FRMPD1: variants seen among roughly 807,000 people sequenced by gnomAD.
The protein encoded by FRMPD1 is FERM and PDZ domain containing 1, also known as FERM and PDZ domain-containing protein 1.
In FRMPD1, 76 loss-of-function variants were observed where a neutral mutation model predicts 117.8. That is an observed-to-expected ratio of 0.65 (90% CI 0.54 to 0.78). The LOEUF (loss-of-function observed/expected upper bound fraction) is 0.78. FRMPD1 is among the 30% of genes least tolerant of loss of function. The pLI is 0.00. For synonymous variants in FRMPD1, 783 were observed against 770.4 expected, an observed-to-expected ratio of 1.02 and a Z score of -0.27; for missense variants, 1,786 against 1,964.5, an observed-to-expected ratio of 0.91 and a Z score of 1.72.
In FRMPD1 at chr9:37,745,738, G is replaced by A. The variant is rs143136317; in HGVS notation, c.3706G>A (p.Gly1236Arg). 6.8e-5 allele frequency: 110 copies of A among 1,614,072 alleles called. No homozygotes were observed. Among genetic ancestry groups the A allele is most frequent in the Non-Finnish European group, 8.2e-5 (97 of 1,180,038 alleles). ...GGCAGAGGCACCTAACCATGTGACA[G>A]GGCAAGATATAGCCCCTAGGGACAG... Reference protein sequence around the residue: ...IKAEAPNHVTGQDIAPRDSPE... With the variant: ...IKAEAPNHVTRQDIAPRDSPE... The change falls in exon 16 of 16, where the codon GGG (glycine) becomes AGG (arginine). Residue 1236 changes from glycine to arginine, a missense_variant. Gly to Arg is a moderately radical substitution (Grantham distance 125, BLOSUM62 -2). Coordinates refer to ENST00000377765, the MANE Select transcript of FRMPD1 (RefSeq NM_014907.3).
At chr9:37,627,391 G>A in the FRMPD1 span, among the ~76,000 whole-genome samples, 3 of 152,156 alleles carry the variant, frequency 2.0e-5, no homozygotes, top group African/African-American at 7.2e-5. Context: ...GCACCTTCCT[G>A]CATCACTGTG....
intron 1 of FRMPD1, among the ~76,000 whole-genome samples, chr9:37,677,717 G>A (rs1821578969): frequency 1.3e-5 from 2 of 152,216 alleles, no homozygotes; most frequent in Admixed American, 1.3e-4. Context: ...TGAAAGCTTG[G>A]AAGGAGGAAT....
intron 1 of FRMPD1, among the ~76,000 whole-genome samples, chr9:37,661,426 GTAAA>G (rs1252129898): frequency 6.6e-6 from 1 of 152,184 alleles, no homozygotes; most frequent in African/African-American, 2.4e-5. Context: ...CCTACACATG[GTAAA>G]TATTCAATAA....
the FRMPD1 span, among the ~76,000 whole-genome samples, chr9:37,622,238 C>T: frequency 9.2e-5 from 14 of 152,104 alleles, no homozygotes; most frequent in Admixed American, 2.6e-4. Flanking sequence ...TTGCCTGAGA[C>T]GGTGAATGTG....
chr9:37,637,380 T>G, the FRMPD1 span: 1 of 708,992 alleles, frequency 1.4e-6, no homozygotes, highest in Admixed American at 2.2e-5. Context: ...GTTTTTTCAA[T>G]TTTAGAAATT....
chr9:37,737,768 A>G (rs556976118), intron 14 of FRMPD1, among the ~76,000 whole-genome samples: 65 of 149,730 alleles, frequency 4.3e-4, no homozygotes, highest in Non-Finnish European at 7.0e-4. Flanking sequence ...GGTTGCAGTG[A>G]GCCGAGATCG....
chr9:37,704,050 C>T (rs573503104), intron 2 of FRMPD1, among the ~76,000 whole-genome samples: 1 of 152,308 alleles, frequency 6.6e-6, no homozygotes, highest in Non-Finnish European at 1.5e-5. Context: ...TCATGTTGTA[C>T]ACCATGTTTA....
intron 14 of FRMPD1, among the ~76,000 whole-genome samples, chr9:37,738,299 CAGTT>C (rs143505662): frequency 0.02 from 2,968 of 152,062 alleles, 50 homozygotes; most frequent in South Asian, 0.04. Context: ...ATAAGTAAAA[CAGTT>C]AGAAAGTGAT....
intron 2 of FRMPD1, among the ~76,000 whole-genome samples, chr9:37,702,437 C>T (rs551757273): frequency 2.6e-5 from 4 of 152,244 alleles, no homozygotes; most frequent in East Asian, 3.9e-4. Flanking sequence ...TTTGGATGCT[C>T]GGGGCCATAA....
intron 1 of FRMPD1, among the ~76,000 whole-genome samples, chr9:37,680,119 T>C (rs1034001129): frequency 6.6e-6 from 1 of 152,158 alleles, no homozygotes; most frequent in Non-Finnish European, 1.5e-5. Flanking sequence ...ACAGCCTGGA[T>C]CCCTATTAGA....
At chr9:37,615,856 A>G in the FRMPD1 span, among the ~76,000 whole-genome samples, 1 of 151,396 alleles carries the variant, frequency 6.6e-6, no homozygotes, top group Admixed American at 6.6e-5. Flanking sequence ...TCTGTCACCC[A>G]GGCTGGAGTG....
the FRMPD1 span, chr9:37,637,187 C>T: frequency 6.2e-7 from 1 of 1,610,244 alleles, no homozygotes; most frequent in Non-Finnish European, 8.5e-7. Flanking sequence ...GCTGATGTAG[C>T]TCTCTGTGTA....
At position 37,745,946 on chromosome 9, in the gene FRMPD1, A is replaced by G; in HGVS notation, c.3914A>G (p.Glu1305Gly). Residue 1305 changes from glutamate to glycine, a missense_variant, in exon 16 of 16, where the codon GAA (glutamate) becomes GGA (glycine). Physicochemically the swap from Glu to Gly is moderately conservative, Grantham distance 98. Coordinates refer to ENST00000377765, the MANE Select transcript of FRMPD1 (RefSeq NM_014907.3). The stretch of plus-strand genomic sequence containing the variant: ...TGCTTTGCCCCAGAAAGCCATCCTG[A>G]AGTCTCTGCCAGTCTCAGGGTGGCC... ...FLCFAPESHP[E>G]VSASLRVATS... 6.2e-7 allele frequency: 1 copy of G among 1,614,234 alleles called. No individual in the cohort carries two copies. Among genetic ancestry groups the G allele is most frequent in the Non-Finnish European group, 8.5e-7 (1 of 1,180,032 alleles).
intron 1 of FRMPD1, among the ~76,000 whole-genome samples, chr9:37,684,129 G>C (rs531128311): frequency 6.6e-6 from 1 of 152,104 alleles, no homozygotes; most frequent in Non-Finnish European, 1.5e-5. Flanking sequence ...GATGAAGTTG[G>C]CGGGTAGGCA....
At chr9:37,737,349 G>A in intron 14 of FRMPD1, 106 bp downstream of exon 14, 3 of 908,398 alleles carry the variant, frequency 3.3e-6, no homozygotes, top group Non-Finnish European at 5.2e-6. Flanking sequence ...CGAGGCTTCA[G>A]CTCAAGTGGA....
At chr9:37,726,067 CAGAG>C (rs1563952135) in intron 7 of FRMPD1, among the ~76,000 whole-genome samples, 2 of 152,076 alleles carry the variant, frequency 1.3e-5, no homozygotes, top group Non-Finnish European at 1.5e-5. Flanking sequence ...CTTAAGATGA[CAGAG>C]AGAGTTGGGG....
the FRMPD1 span, among the ~76,000 whole-genome samples, chr9:37,617,229 A>G: frequency 3.3e-5 from 5 of 152,214 alleles, no homozygotes; most frequent in Non-Finnish European, 1.5e-5. Flanking sequence ...CCTTTATGCC[A>G]TGACGACAAA....
the FRMPD1 span, among the ~76,000 whole-genome samples, chr9:37,612,597 C>A: frequency 6.6e-6 from 1 of 150,442 alleles, no homozygotes; most frequent in East Asian, 2.0e-4. Flanking sequence ...CAGCTCACTG[C>A]AACTTCTGCC....
chr9:37,677,485 G>A (rs1319664264), intron 1 of FRMPD1, among the ~76,000 whole-genome samples: 2 of 152,194 alleles, frequency 1.3e-5, no homozygotes, highest in African/African-American at 4.8e-5. Flanking sequence ...CATGCATTCT[G>A]GTAGAACTTC....
Sources: gnomAD v4.1 joint callset for allele counts (sites outside exome capture counted in the v4.1 genomes callset) on GRCh38, gnomAD v4.1.1 for gene constraint, MANE v1.5 for transcripts, NCBI Gene and HGNC (gene_info 2026-07-23, HGNC 2026-07-21) for gene names.